PMFBP1: variants seen among roughly 807,000 people sequenced by gnomAD.
The protein encoded by PMFBP1 is polyamine-modulated factor 1-binding protein 1.
Under a neutral mutation model 137.8 loss-of-function variants are expected in PMFBP1, and 131 were observed. The observed-to-expected ratio is 0.95, with a 90% CI of 0.82 to 1.10. The LOEUF is 1.10. Ranked by LOEUF, PMFBP1 falls within the 50% of genes least tolerant of loss-of-function variation. The pLI is 0.00. For missense variants in PMFBP1, 1,199 were observed against 1,175.4 expected (o/e 1.02, Z -0.29); for synonymous variants, 490 against 450.4 (o/e 1.09, Z -1.11).
the PMFBP1 span, among the ~76,000 whole-genome samples, chr16:72,191,614 G>T: frequency 2.9e-4 from 44 of 152,322 alleles, no homozygotes; most frequent in South Asian, 9.1e-3. Flanking sequence ...AAGTACAGAA[G>T]AATGGGTAAG....
the PMFBP1 span, among the ~76,000 whole-genome samples, chr16:72,205,317 G>A: frequency 3.9e-5 from 6 of 152,372 alleles, no homozygotes; most frequent in African/African-American, 1.4e-4. Flanking sequence ...CTAGAAGGGC[G>A]GTTGGCCTTG....
At chr16:72,124,653 T>C in intron 17 of PMFBP1, 114 bp downstream of exon 17, 1 of 1,318,226 alleles carries the variant, frequency 7.6e-7, no homozygotes, top group Non-Finnish European at 1.0e-6. Flanking sequence ...GGGGTGACCT[T>C]TCCTTTGCTC....
At chr16:72,231,280 A>T in the PMFBP1 span, among the ~76,000 whole-genome samples, 1 of 152,146 alleles carries the variant, frequency 6.6e-6, no homozygotes, top group Non-Finnish European at 1.5e-5. Context: ...CAACAGTAAC[A>T]ACCTTTTCTC....
In PMFBP1 at chr16:72,119,981, G is replaced by A. The variant is rs2042352746; in HGVS notation, c.2877C>T (p.Ala959=). 1.2e-6 allele frequency: 2 copies of A among 1,614,112 alleles called. No homozygotes were observed. Among genetic ancestry groups the A allele is most frequent in the Non-Finnish European group, 1.7e-6 (2 of 1,180,022 alleles). Residue 959 remains alanine, a synonymous_variant, in exon 20 of 21, where the codon GCC becomes GCT. Transcript: ENST00000237353. ...KAENTRLCTK[A]LGPSRTESTQ... is the part of the protein sequence containing the mutation. Reference sequence around the variant, plus strand: ...TGGACTCCGTTCTGCTCGGGCCTAGGGCTTTGGTGCATAGCCTTGTGTTCT... The same window carrying A: ...TGGACTCCGTTCTGCTCGGGCCTAGAGCTTTGGTGCATAGCCTTGTGTTCT...
At chr16:72,182,976 G>A in the PMFBP1 span, among the ~76,000 whole-genome samples, 2 of 152,100 alleles carry the variant, frequency 1.3e-5, no homozygotes, top group East Asian at 3.9e-4. Flanking sequence ...GTGGGGGAGG[G>A]GACTGGGTCC....
intron 3 of PMFBP1, among the ~76,000 whole-genome samples, chr16:72,156,547 G>A (rs1376331930): frequency 6.6e-6 from 1 of 151,882 alleles, no homozygotes; most frequent in African/African-American, 2.4e-5. Context: ...ATGAACCTGG[G>A]AGGCAGAGCT....
At chr16:72,248,011 TC>T in the PMFBP1 span, among the ~76,000 whole-genome samples, 3 of 152,180 alleles carry the variant, frequency 2.0e-5, no homozygotes, top group Admixed American at 1.3e-4. Context: ...TCTGCCTCGG[TC>T]TGCCAAGTAT....
intron 16 of PMFBP1, 68 bp downstream of exon 16, chr16:72,125,170 C>T (rs2042435757): frequency 6.5e-7 from 1 of 1,546,216 alleles, no homozygotes; most frequent in Non-Finnish European, 8.7e-7. Flanking sequence ...CTAAATAATT[C>T]TGGATGCAAG....
chr16:72,167,533 C>T (rs1315940651), intron 2 of PMFBP1, among the ~76,000 whole-genome samples: 1 of 152,108 alleles, frequency 6.6e-6, no homozygotes, highest in Non-Finnish European at 1.5e-5. Flanking sequence ...TGTACAGACA[C>T]TGTTTTCTAA....
intron 1 of PMFBP1, 136 bp downstream of exon 1, chr16:72,171,917 CA>C (rs1448813945): frequency 6.6e-6 from 1 of 152,182 alleles, no homozygotes; most frequent in African/African-American, 2.4e-5. Flanking sequence ...CCCAGGAAAC[CA>C]AAGATCTTTG....
chr16:72,123,714 G>A lies in PMFBP1; in HGVS notation c.2590-65C>T, dbSNP rs571887194. Reference sequence around the variant, plus strand: ...GCACAGGCCTGTCAGCCCTCCTTCCGAGTCAGGCCTCTTCTATCTCCCTGG... The same window carrying A: ...GCACAGGCCTGTCAGCCCTCCTTCCAAGTCAGGCCTCTTCTATCTCCCTGG... On this transcript the variant is annotated intron_variant, in intron 17 of 20. Transcript: ENST00000237353. 2.6e-5 allele frequency: 37 copies of A among 1,407,754 alleles called. 2 individuals are homozygous for A. The South Asian group carries it at 4.0e-4, about 15-fold the overall frequency. 87.2% of individuals were successfully genotyped at this position (1,407,754 alleles called of 1,614,324 possible).
the PMFBP1 span, among the ~76,000 whole-genome samples, chr16:72,208,561 T>G: frequency 9.2e-5 from 14 of 152,392 alleles, no homozygotes; most frequent in African/African-American, 3.4e-4. Flanking sequence ...TGCCAACTAT[T>G]GGCAGAAGCA....
the PMFBP1 span, among the ~76,000 whole-genome samples, chr16:72,230,695 G>C: frequency 1.3e-5 from 2 of 152,114 alleles, no homozygotes; most frequent in African/African-American, 4.8e-5. Context: ...CATCTAAGTA[G>C]TCACCAAATC....
chr16:72,228,337 G>A, the PMFBP1 span, among the ~76,000 whole-genome samples: 4 of 152,158 alleles, frequency 2.6e-5, no homozygotes, highest in African/African-American at 9.7e-5. Context: ...GAAAGACCCC[G>A]ATGCAGTTTA....
chr16:72,143,044 C>T (rs1446743598), intron 5 of PMFBP1, among the ~76,000 whole-genome samples: 1 of 152,036 alleles, frequency 6.6e-6, no homozygotes, highest in East Asian at 1.9e-4. Flanking sequence ...AAACATTGTT[C>T]TATATATGAA....
chr16:72,173,662 TATATG>T (rs1375466459), upstream of PMFBP1, among the ~76,000 whole-genome samples: 3 of 152,218 alleles, frequency 2.0e-5, no homozygotes, highest in Non-Finnish European at 4.4e-5. Flanking sequence ...CTGGAAGTGT[TATATG>T]ATAAGTTTTT....
At chr16:72,202,815 A>G in the PMFBP1 span, among the ~76,000 whole-genome samples, 1 of 152,166 alleles carries the variant, frequency 6.6e-6, no homozygotes, top group African/African-American at 2.4e-5. Context: ...TCGGTTGACA[A>G]TCAAAGCCTA....
At chr16:72,167,483 T>C (rs530216773) in intron 2 of PMFBP1, among the ~76,000 whole-genome samples, 2 of 152,336 alleles carry the variant, frequency 1.3e-5, no homozygotes, top group South Asian at 2.1e-4. Context: ...TAATGGGGAC[T>C]CTCTTAAGAC....
At chr16:72,194,020 A>T in the PMFBP1 span, among the ~76,000 whole-genome samples, 2 of 151,730 alleles carry the variant, frequency 1.3e-5, no homozygotes, top group African/African-American at 4.8e-5. Context: ...AGACTGGTCA[A>T]ATATTTTCAT....
Sources: gnomAD v4.1 joint callset for allele counts (sites outside exome capture counted in the v4.1 genomes callset) on GRCh38, gnomAD v4.1.1 for gene constraint, MANE v1.5 for transcripts, NCBI Gene and HGNC (gene_info 2026-07-23, HGNC 2026-07-21) for gene names.